SLC44A5: variants seen among roughly 807,000 people sequenced by gnomAD.
The protein encoded by SLC44A5 is solute carrier family 44 member 5, also known as choline transporter-like protein 5.
SLC44A5 carries 57 observed loss-of-function variants against 101.8 expected under a neutral mutation model. The ratio of observed to expected loss-of-function variants is 0.56; its 90% confidence interval spans 0.45 to 0.70. SLC44A5 has a LOEUF of 0.70. Among genes scored for constraint, SLC44A5 ranks in the 30% least tolerant of loss-of-function variants. SLC44A5 has a pLI of 0.00. For synonymous variants in SLC44A5, 281 were observed against 290.9 expected, an observed-to-expected ratio of 0.97 and a Z score of 0.35; for missense variants, 737 against 853.1, an observed-to-expected ratio of 0.86 and a Z score of 1.70.
At chr1:75,431,492 T>G (rs1377861632) in intron 2 of SLC44A5, among the ~76,000 whole-genome samples, 1 of 152,190 alleles carries the variant, frequency 6.6e-6, no homozygotes, top group African/African-American at 2.4e-5. Context: ...AATTAGAACT[T>G]TTCAGAATTG....
At chr1:75,480,399 C>T (rs1218502219) in intron 2 of SLC44A5, among the ~76,000 whole-genome samples, 1 of 152,080 alleles carries the variant, frequency 6.6e-6, no homozygotes, top group Non-Finnish European at 1.5e-5. Context: ...GAAGTTCTGG[C>T]CAGGGCAATT....
intron 1 of SLC44A5, among the ~76,000 whole-genome samples, chr1:75,583,393 C>T (rs892223210): frequency 6.6e-6 from 1 of 152,122 alleles, no homozygotes; most frequent in Non-Finnish European, 1.5e-5. Context: ...TACATGTTTC[C>T]TACAATAGAC....
At chr1:75,471,150 C>A (rs61798715) in intron 2 of SLC44A5, among the ~76,000 whole-genome samples, 3 of 151,782 alleles carry the variant, frequency 2.0e-5, no homozygotes, top group Non-Finnish European at 4.4e-5. Flanking sequence ...CTTTTTTTTA[C>A]GGCCTGGCTG....
At chr1:75,701,199 A>C in the SLC44A5 span, among the ~76,000 whole-genome samples, 3 of 151,148 alleles carry the variant, frequency 2.0e-5, no homozygotes, top group Non-Finnish European at 2.9e-5. Flanking sequence ...GCAGAGACAC[A>C]CAAAAAAAGA....
chr1:75,355,686 T>C (rs1025678676), intron 3 of SLC44A5, among the ~76,000 whole-genome samples: 3 of 152,190 alleles, frequency 2.0e-5, no homozygotes, highest in South Asian at 2.1e-4. Context: ...ACCTAGTGAC[T>C]TAATAGCCAT....
rs367778754 is a variant in SLC44A5, at chr1:75,424,910, C to T, written c.14-28289G>A. Among the ~76,000 whole-genome samples the T allele has an allele frequency of 4.6e-5, 7 of 152,164 alleles. No individual in the cohort carries two copies. In the South Asian group the frequency reaches 1.0e-3, roughly 23 times the overall value. ...ATCAAATAACAAAAACATATACAAA[C>T]AATTCATTTGAAAAGTTCAAGCAAT... On this transcript the variant is annotated intron_variant, in intron 2 of 23. Transcript: ENST00000370859.
At chr1:75,257,504 G>T (rs984711013) in intron 6 of SLC44A5, among the ~76,000 whole-genome samples, 2 of 152,130 alleles carry the variant, frequency 1.3e-5, no homozygotes, top group Non-Finnish European at 2.9e-5. Flanking sequence ...GAGGCAGCAT[G>T]CTCAGCCAGG....
At position 75,403,008 on chromosome 1, in the gene SLC44A5, G is replaced by A. The variant is rs536492469; in HGVS notation, c.14-6387C>T. Among the ~76,000 whole-genome samples the A allele has an allele frequency of 3.3e-5, 5 of 152,262 alleles. No homozygotes were observed. The East Asian group carries it at 9.7e-4, about 29-fold the overall frequency. On this transcript the variant is annotated intron_variant, in intron 2 of 23. Transcript: ENST00000370859. Reference sequence around the variant, plus strand: ...AACCTGGGACACTTGAGGTTGATGGGGGGAGGGACGTCCACCATTACTGAG... The same window carrying A: ...AACCTGGGACACTTGAGGTTGATGGAGGGAGGGACGTCCACCATTACTGAG...
At chr1:75,644,007 T>C in the SLC44A5 span, among the ~76,000 whole-genome samples, 3 of 152,228 alleles carry the variant, frequency 2.0e-5, no homozygotes, top group African/African-American at 7.2e-5. Flanking sequence ...TTGTCTATGA[T>C]AGACAGTTCT....
chr1:75,631,539 ATTTTTTTTT>A, the SLC44A5 span, among the ~76,000 whole-genome samples: 1 of 80,850 alleles, frequency 1.2e-5, no homozygotes, highest in Non-Finnish European at 2.2e-5. Flanking sequence ...CACCTGGCTA[ATTTTTTTTT>A]TTTTTTTTTT....
chr1:75,624,392 T>C, the SLC44A5 span, among the ~76,000 whole-genome samples: 1 of 152,158 alleles, frequency 6.6e-6, no homozygotes, highest in Non-Finnish European at 1.5e-5. Flanking sequence ...TAAAAGGTTG[T>C]TGGGAACATG....
At chr1:75,517,508 A>T (rs139087899) in intron 2 of SLC44A5, among the ~76,000 whole-genome samples, 3,191 of 152,260 alleles carry the variant, frequency 0.021, 120 homozygotes, top group African/African-American at 0.073. Flanking sequence ...GCGGGAAAGC[A>T]AAAGGCGGGA....
chr1:75,375,430 A>G (rs866721216), intron 3 of SLC44A5, among the ~76,000 whole-genome samples: 6 of 152,256 alleles, frequency 3.9e-5, no homozygotes, highest in Non-Finnish European at 7.3e-5. Flanking sequence ...ACAATCCACA[A>G]CAATTTCCCC....
At chr1:75,596,313 AC>A (rs1193681275) in intron 1 of SLC44A5, among the ~76,000 whole-genome samples, 1 of 152,064 alleles carries the variant, frequency 6.6e-6, no homozygotes, top group East Asian at 1.9e-4. Context: ...TAGCCTACCA[AC>A]CAAAAAAAAG....
At chr1:75,645,397 ATG>A in the SLC44A5 span, among the ~76,000 whole-genome samples, 1 of 151,896 alleles carries the variant, frequency 6.6e-6, no homozygotes, top group Non-Finnish European at 1.5e-5. Flanking sequence ...GCATTTTTTC[ATG>A]TGTCTTTTGG....
At chr1:75,264,130 A>T (rs1472176760) in intron 6 of SLC44A5, among the ~76,000 whole-genome samples, 221 of 7,568 alleles carry the variant, frequency 0.029, no homozygotes, top group African/African-American at 0.064. Context: ...AAAGTATTTA[A>T]AAAAAAAAAA....
chr1:75,610,968 G>A (rs776221316), intron 1 of SLC44A5, 72 bp downstream of exon 1: 107 of 506,014 alleles, frequency 2.1e-4, no homozygotes, highest in Middle Eastern at 2.0e-3. Context: ...TATAGAATAC[G>A]TACTTATGAA....
At chr1:75,616,003 C>T, upstream of SLC44A5, 3 of 522,144 alleles carry the variant, frequency 5.7e-6, no homozygotes, top group Non-Finnish European at 7.4e-6. Context: ...GCTGTGATGG[C>T]ATCTGCGAGC....
chr1:75,370,111 C>T (rs1003575870), intron 3 of SLC44A5, among the ~76,000 whole-genome samples: 9 of 152,204 alleles, frequency 5.9e-5, no homozygotes, highest in African/African-American at 1.9e-4. Context: ...GTTCCTCATC[C>T]TCCATCCTCT....
Sources: allele counts gnomAD v4.1 joint callset (sites outside exome capture counted in the v4.1 genomes callset), GRCh38; gene constraint gnomAD v4.1.1; transcripts MANE v1.5; gene names NCBI Gene and HGNC (gene_info 2026-07-23, HGNC 2026-07-21).